STAU2: variants seen among roughly 807,000 people sequenced by gnomAD.
STAU2 encodes the protein staufen double-stranded RNA binding protein 2.
A neutral mutation model predicts 65.9 loss-of-function variants in STAU2; 20 were observed. The ratio of observed to expected loss-of-function variants is 0.30; its 90% CI spans 0.21 to 0.44. STAU2 has a LOEUF of 0.44. Ranked by LOEUF, STAU2 falls within the 20% of genes least tolerant of loss-of-function variation. STAU2 has a pLI of 1.00. For missense variants in STAU2, 558 were observed against 683.9 expected, an observed-to-expected ratio of 0.82 and a Z score of 2.05; for synonymous variants, 232 against 233.9, an observed-to-expected ratio of 0.99 and a Z score of 0.07.
chr8:73,422,197 C>T lies in STAU2; in HGVS notation c.1619+417G>A, dbSNP rs952474671. Reference sequence around the variant, plus strand: ...AATGCAGCCGAGGGGAGGGGCGCCTCCTCTCAACTTCTTTTTCTTTTCTCT... The same window carrying T: ...AATGCAGCCGAGGGGAGGGGCGCCTTCTCTCAACTTCTTTTTCTTTTCTCT... On this transcript the variant is annotated intron_variant, in intron 14 of 14. Transcript: ENST00000524300. Among the ~76,000 whole-genome samples, 4 of 152,152 alleles carry T rather than the reference C, an allele frequency of 2.6e-5. No homozygotes were observed. The South Asian group carries it at 8.3e-4, about 31-fold the overall frequency.
chr8:73,549,274 G>A lies in STAU2; in HGVS notation c.1530+2738C>T, dbSNP rs144395301. Among the ~76,000 whole-genome samples the A allele has an allele frequency of 5.9e-3, 899 of 152,156 alleles. 5 individuals carry two copies. The highest frequency in any genetic ancestry group is 8.5e-3 in the Non-Finnish European group (579 of 67,958). On this transcript the variant is annotated intron_variant, in intron 13 of 14. Coordinates refer to ENST00000524300, the MANE Select transcript of STAU2 (RefSeq NM_001164380.2). ...ACATTTAAAAGAATATAAATAAAAC[G>A]TATTAATACTTGATAAAACTTGAAA...
chr8:73,561,149 T>C (rs1563423121), intron 12 of STAU2, among the ~76,000 whole-genome samples: 1 of 152,102 alleles, frequency 6.6e-6, no homozygotes, highest in Non-Finnish European at 1.5e-5. Context: ...CCTAAATAGT[T>C]TGAAATAGGT....
intron 13 of STAU2, among the ~76,000 whole-genome samples, chr8:73,519,835 G>C (rs1179668773): frequency 2.0e-5 from 3 of 152,198 alleles, no homozygotes; most frequent in Non-Finnish European, 4.4e-5. Flanking sequence ...GTATCTCAAG[G>C]AGATCACTGC....
chr8:73,704,930 G>A (rs528321267), intron 4 of STAU2, among the ~76,000 whole-genome samples: 1 of 152,138 alleles, frequency 6.6e-6, no homozygotes, highest in Non-Finnish European at 1.5e-5. Context: ...GCCTCCCAAA[G>A]TGCTGGGATT....
chr8:73,471,843 A>AAGAAGG (rs60409026), intron 13 of STAU2, among the ~76,000 whole-genome samples: 9,479 of 147,774 alleles, frequency 0.064, 655 homozygotes, highest in African/African-American at 0.17. Flanking sequence ...AAAAAGAGAG[A>AAGAAGG]AGAAGGAGAA....
At chr8:73,727,501 A>G (rs1262695632) in intron 3 of STAU2, among the ~76,000 whole-genome samples, 4 of 152,104 alleles carry the variant, frequency 2.6e-5, no homozygotes, top group Non-Finnish European at 5.9e-5. Context: ...GTCTTCTTTC[A>G]CTTAATATGT....
chr8:73,481,511 A>C (rs1455895419), intron 13 of STAU2, among the ~76,000 whole-genome samples: 1 of 87,730 alleles, frequency 1.1e-5, no homozygotes, highest in Non-Finnish European at 2.4e-5. Flanking sequence ...AAAAAAACAA[A>C]AAAACAAAAA....
intron 13 of STAU2, among the ~76,000 whole-genome samples, chr8:73,468,132 G>C (rs1168810421): frequency 2.0e-5 from 3 of 152,124 alleles, no homozygotes; most frequent in Non-Finnish European, 4.4e-5. Context: ...GAACAGAACA[G>C]AGCCCTCAGA....
intron 12 of STAU2, among the ~76,000 whole-genome samples, chr8:73,577,252 C>T (rs1275980655): frequency 6.6e-6 from 1 of 151,898 alleles, no homozygotes; most frequent in Non-Finnish European, 1.5e-5. Flanking sequence ...CACAATGAAA[C>T]CCCGTCTCTA....
At chr8:73,474,315 C>A (rs755937184) in intron 13 of STAU2, among the ~76,000 whole-genome samples, 2 of 152,110 alleles carry the variant, frequency 1.3e-5, no homozygotes, top group Non-Finnish European at 2.9e-5. Context: ...AGGGATATTT[C>A]ACCTTATAAA....
At chr8:73,532,703 T>A (rs1219414486) in intron 13 of STAU2, among the ~76,000 whole-genome samples, 3 of 152,222 alleles carry the variant, frequency 2.0e-5, no homozygotes, top group Non-Finnish European at 4.4e-5. Flanking sequence ...ATCTATTCTC[T>A]CTAAAGGCTG....
chr8:73,739,735 A>G, intron 2 of STAU2, 21 bp downstream of exon 2: 1 of 1,487,684 alleles, frequency 6.7e-7, no homozygotes, highest in Non-Finnish European at 8.9e-7. Flanking sequence ...TTTGAGTTTT[A>G]GTCAAAGTTC....
intron 1 of STAU2, among the ~76,000 whole-genome samples, chr8:73,745,450 C>T (rs951719074): frequency 4.6e-5 from 7 of 152,174 alleles, no homozygotes; most frequent in African/African-American, 1.7e-4. Flanking sequence ...ATCTTTTCTC[C>T]TCCAAGGTTA....
intron 13 of STAU2, among the ~76,000 whole-genome samples, chr8:73,545,687 G>A (rs184993355): frequency 4.2e-4 from 61 of 144,958 alleles, no homozygotes; most frequent in Admixed American, 1.8e-3. Context: ...TCACACTGTC[G>A]CCCAGGCTGG....
chr8:73,635,752 G>A (rs1402237922), intron 6 of STAU2, among the ~76,000 whole-genome samples: 1 of 152,006 alleles, frequency 6.6e-6, no homozygotes, highest in African/African-American at 2.4e-5. Flanking sequence ...TTGAACCCAG[G>A]AGGCAGAGGT....
At chr8:73,576,668 C>T (rs564764676) in intron 12 of STAU2, among the ~76,000 whole-genome samples, 5 of 152,172 alleles carry the variant, frequency 3.3e-5, no homozygotes, top group South Asian at 2.1e-4. Flanking sequence ...GTGTTAAATA[C>T]GTTATGCATC....
At chr8:73,719,283 T>C (rs1821480757) in intron 3 of STAU2, among the ~76,000 whole-genome samples, 1 of 151,890 alleles carries the variant, frequency 6.6e-6, no homozygotes, top group Admixed American at 6.6e-5. Flanking sequence ...CGGGTGTCTG[T>C]AGTCCCAGCT....
chr8:73,667,702 T>C (rs755567486), intron 6 of STAU2, among the ~76,000 whole-genome samples: 8 of 152,208 alleles, frequency 5.3e-5, no homozygotes, highest in Non-Finnish European at 8.8e-5. Flanking sequence ...AGACTGCCTG[T>C]CTTTCCTCAA....
chr8:73,714,012 T>C (rs1821074980), intron 3 of STAU2, among the ~76,000 whole-genome samples: 1 of 152,146 alleles, frequency 6.6e-6, no homozygotes, highest in South Asian at 2.1e-4. Context: ...CAGGTGATTC[T>C]CCTGCCTCAG....
Sources: allele counts gnomAD v4.1 joint callset (sites outside exome capture counted in the v4.1 genomes callset), GRCh38; gene constraint gnomAD v4.1.1; transcripts MANE v1.5; gene names NCBI Gene and HGNC (gene_info 2026-07-23, HGNC 2026-07-21).